Variants in CHD9NB observed in about 807,000 individuals in gnomAD.
The protein encoded by CHD9NB is CHD9 neighbor, also known as CHD9 neighbor protein.
the CHD9NB span, among the ~76,000 whole-genome samples, chr16:53,051,251 T>A: frequency 0.34 from 52,349 of 151,924 alleles, 9,871 homozygotes; most frequent in African/African-American, 0.5. Flanking sequence ...TTACTAAAAA[T>A]TAGGTCACAT....
At chr16:53,037,851 C>A in the CHD9NB span, among the ~76,000 whole-genome samples, 1 of 152,184 alleles carries the variant, frequency 6.6e-6, no homozygotes, top group Admixed American at 6.5e-5. Context: ...GCTGGAAGAA[C>A]TAGTTAACCC....
the CHD9NB span, among the ~76,000 whole-genome samples, chr16:53,039,459 A>G: frequency 6.6e-6 from 1 of 152,176 alleles, no homozygotes; most frequent in African/African-American, 2.4e-5. Flanking sequence ...TAAAAGTTCA[A>G]AGAAGGCTGG....
chr16:53,041,351 AC>A, the CHD9NB span, among the ~76,000 whole-genome samples: 1 of 152,258 alleles, frequency 6.6e-6, no homozygotes, highest in Non-Finnish European at 1.5e-5. Context: ...CCAGTGGATA[AC>A]GGGAATGTCC....
At chr16:53,045,380 A>G in the CHD9NB span, among the ~76,000 whole-genome samples, 3 of 152,130 alleles carry the variant, frequency 2.0e-5, no homozygotes, top group Non-Finnish European at 4.4e-5. Context: ...ACATGGGTAA[A>G]GGTTTTTGCA....
At chr16:53,041,052 A>C in the CHD9NB span, among the ~76,000 whole-genome samples, 1 of 152,172 alleles carries the variant, frequency 6.6e-6, no homozygotes, top group African/African-American at 2.4e-5. Context: ...GGAAGGACTG[A>C]AGAACAGATG....
At chr16:53,043,897 C>T in the CHD9NB span, 1 of 397,820 alleles carries the variant, frequency 2.5e-6, no homozygotes, top group Non-Finnish European at 4.4e-6. Flanking sequence ...TTTCTCTCTC[C>T]TCCCAGTGAT....
chr16:53,049,818 C>T, the CHD9NB span, among the ~76,000 whole-genome samples: 3 of 152,136 alleles, frequency 2.0e-5, no homozygotes, highest in Non-Finnish European at 2.9e-5. Context: ...GGTTTGAATA[C>T]CACCTCTAGA....
chr16:53,038,110 C>T, the CHD9NB span, among the ~76,000 whole-genome samples: 3 of 152,130 alleles, frequency 2.0e-5, no homozygotes, highest in African/African-American at 2.4e-5. Flanking sequence ...GGAGCTCCAA[C>T]GTCTGAGGAC....
the CHD9NB span, among the ~76,000 whole-genome samples, chr16:53,036,662 T>C: frequency 6.6e-6 from 1 of 152,216 alleles, no homozygotes; most frequent in Non-Finnish European, 1.5e-5. Context: ...CCACTTGCTA[T>C]GTGGGCTCTA....
chr16:53,036,928 G>A, the CHD9NB span, among the ~76,000 whole-genome samples: 2 of 151,926 alleles, frequency 1.3e-5, no homozygotes, highest in Non-Finnish European at 2.9e-5. Context: ...CTGTCCTCAC[G>A]TTGGCTTCAT....
the CHD9NB span, among the ~76,000 whole-genome samples, chr16:53,051,768 A>AATATATATATATATAT: frequency 4.9e-4 from 51 of 104,566 alleles, no homozygotes; most frequent in African/African-American, 8.4e-4. Context: ...TAAAAGTATA[A>AATATATATATATATAT]ATATATATAT....
At chr16:53,037,038 G>A in the CHD9NB span, among the ~76,000 whole-genome samples, 2 of 151,990 alleles carry the variant, frequency 1.3e-5, no homozygotes, top group Non-Finnish European at 2.9e-5. Flanking sequence ...TGTGTTCAAG[G>A]GATTCTTGTG....
chr16:53,051,861 C>T, the CHD9NB span, among the ~76,000 whole-genome samples: 11 of 147,136 alleles, frequency 7.5e-5, no homozygotes, highest in Non-Finnish European at 1.0e-4. Flanking sequence ...GCGTCCAGCA[C>T]ATAGTAGGTG....
chr16:53,047,421 T>C, the CHD9NB span: 3 of 152,198 alleles, frequency 2.0e-5, no homozygotes, highest in Non-Finnish European at 4.4e-5. Context: ...TCCTCACAGC[T>C]CTGGAGGCTA....
chr16:53,041,668 C>T, the CHD9NB span, among the ~76,000 whole-genome samples: 23 of 152,082 alleles, frequency 1.5e-4, no homozygotes, highest in South Asian at 2.5e-3. Context: ...GCTGCGAACT[C>T]TTTCCATAGA....
chr16:53,046,945 G>A, the CHD9NB span, among the ~76,000 whole-genome samples: 2 of 152,160 alleles, frequency 1.3e-5, no homozygotes, highest in Non-Finnish European at 2.9e-5. Flanking sequence ...ACTGTGATTT[G>A]CCAGATCTGC....
At chr16:53,043,810 T>C in the CHD9NB span, 1 of 391,704 alleles carries the variant, frequency 2.6e-6, no homozygotes, top group Admixed American at 4.4e-5. Context: ...GGATTCCTTA[T>C]AGACTTATCC....
chr16:53,052,882 C>A, the CHD9NB span: 1 of 177,862 alleles, frequency 5.6e-6, no homozygotes. Context: ...AGGTATTGTC[C>A]ACAGATGACA....
the CHD9NB span, among the ~76,000 whole-genome samples, chr16:53,050,726 A>T: frequency 6.6e-6 from 1 of 152,210 alleles, no homozygotes; most frequent in South Asian, 2.1e-4. Context: ...TACAAGACCA[A>T]GTGTCCTTCT....
Sources: allele counts gnomAD v4.1 joint callset (sites outside exome capture counted in the v4.1 genomes callset), GRCh38; gene constraint gnomAD v4.1.1; transcripts MANE v1.5; gene names NCBI Gene and HGNC (gene_info 2026-07-23, HGNC 2026-07-21).